Variants in ATR observed in about 807,000 individuals in gnomAD.
ATR encodes the protein ATR checkpoint kinase, also known as serine/threonine-protein kinase ATR.
Under a neutral mutation model 305.3 loss-of-function variants are expected in ATR, and 142 were observed. The observed-to-expected ratio is 0.47, with a 90% CI of 0.41 to 0.53. The LOEUF (loss-of-function observed/expected upper bound fraction) is 0.53, where lower values mean the gene tolerates loss of function less well. ATR is among the 20% of genes least tolerant of loss of function. The pLI is 0.00. For synonymous variants in ATR, 1,050 were observed against 1,068.1 expected (o/e 0.98, Z 0.33); for missense variants, 2,135 against 3,133.1 (o/e 0.68, Z 7.60).
rs747153320 is a variant in ATR, at chr3:142,550,137, G to C, written c.2971C>G (p.Leu991Val). 3.1e-6 allele frequency: 5 copies of C among 1,613,966 alleles called. No homozygotes were observed. Among genetic ancestry groups the C allele is most frequent in the Non-Finnish European group, 4.2e-6 (5 of 1,179,992 alleles). The part of the protein sequence containing the change: ...VFDFPDLNRF[L>V]TRTLQVLLPD... Reference sequence around the variant, plus strand: ...AACTATATGTTGCAACTTACAGTAAGAAAACGATTAAGATCAGGAAAGTCG... The same window carrying C: ...AACTATATGTTGCAACTTACAGTAACAAAACGATTAAGATCAGGAAAGTCG... Residue 991 changes from leucine (L) to valine (V), a missense_variant, in exon 14 of 47, where the codon CTT (leucine) becomes GTT (valine). Transcript: ENST00000350721.
At chr3:142,553,083 G>C in intron 13 of ATR, 144 bp downstream of exon 13, 1 of 1,072,922 alleles carries the variant, frequency 9.3e-7, no homozygotes, top group Non-Finnish European at 1.3e-6. Context: ...ACCTCTACAT[G>C]CTGCAATATA....
chr3:142,491,534 T>C (rs1013426603), intron 35 of ATR, among the ~76,000 whole-genome samples: 12 of 152,208 alleles, frequency 7.9e-5, no homozygotes, highest in Non-Finnish European at 1.6e-4. Context: ...TCATAAGTTG[T>C]TGTGTCTTAC....
intron 35 of ATR, among the ~76,000 whole-genome samples, chr3:142,491,530 G>A (rs567551298): frequency 3.0e-4 from 45 of 152,326 alleles, no homozygotes; most frequent in African/African-American, 1.0e-3. Flanking sequence ...TGCCTCATAA[G>A]TTGTTGTGTC....
At chr3:142,544,621 C>CAAAAAAAAAAA (rs71153972) in intron 16 of ATR, among the ~76,000 whole-genome samples, 1 of 83,630 alleles carries the variant, frequency 1.2e-5, no homozygotes. Flanking sequence ...AAGAAAGGAG[C>CAAAAAAAAAAA]AAAAAAAAAA....
At chr3:142,553,149 T>C (rs756244478) in intron 13 of ATR, 78 bp downstream of exon 13, 42 of 1,499,440 alleles carry the variant, frequency 2.8e-5, no homozygotes, top group Non-Finnish European at 3.9e-5. Flanking sequence ...AAATAAAACA[T>C]GTATAAATAT....
chr3:142,573,691 A>G lies in ATR; in HGVS notation c.59+4955T>C, dbSNP rs147996752. ...GAAAAAAACAATTGATCCTAACAAT[A>G]TATCTGAAATATTAGGTGAATGTGT... On this transcript the variant is annotated intron_variant, in intron 1 of 46. Transcript: ENST00000350721. 2.7e-4 allele frequency among the ~76,000 whole-genome samples: 41 copies of G among 152,310 alleles called. No homozygotes were observed. The East Asian group carries it at 7.7e-3, about 29-fold the overall frequency.
rs756748118 is a variant in ATR, at chr3:142,467,919, A to C, written c.6687+15T>G. The C allele has an allele frequency of 2.5e-6, 4 of 1,611,706 alleles. No homozygotes were observed. Among genetic ancestry groups the C allele is most frequent in the South Asian group, 1.1e-5 (1 of 90,840 alleles). On this transcript the variant is annotated intron_variant, in intron 39 of 46. Coordinates refer to ENST00000350721, the MANE Select transcript of ATR (RefSeq NM_001184.4). ...ACCCAACATCAGTTTATAAGCACTA[A>C]GATTATGATAGTACCGGTTTATTGC...
At chr3:142,473,941 ATTT>A (rs141622968) in intron 36 of ATR, among the ~76,000 whole-genome samples, 3,566 of 114,862 alleles carry the variant, frequency 0.031, 66 homozygotes, top group African/African-American at 0.06. Context: ...AAGTTATTGG[ATTT>A]TTTTTTTTTT....
At chr3:142,496,068 T>G (rs1037362691) in intron 34 of ATR, among the ~76,000 whole-genome samples, 2 of 151,344 alleles carry the variant, frequency 1.3e-5, no homozygotes, top group Non-Finnish European at 1.5e-5. Flanking sequence ...GTCGTTTTCC[T>G]CAAGGAAAAT....
At chr3:142,576,216 G>A (rs754134878) in intron 1 of ATR, among the ~76,000 whole-genome samples, 11 of 152,186 alleles carry the variant, frequency 7.2e-5, no homozygotes, top group East Asian at 3.8e-4. Context: ...ATGACTCCTA[G>A]GCTTTTGGTT....
intron 16 of ATR, 79 bp downstream of exon 16, chr3:142,547,646 T>C: frequency 2.0e-6 from 3 of 1,490,240 alleles, no homozygotes; most frequent in Non-Finnish European, 2.8e-6. Context: ...TGACCAAAAA[T>C]ATGATTTCTT....
Position 142,550,320 on chromosome 3 carries a change from T to C in ATR, c.2806-18A>G. On this transcript the variant is annotated intron_variant, in intron 13 of 46. Coordinates refer to ENST00000350721, the MANE Select transcript of ATR (RefSeq NM_001184.4). ...ACCAAAAACTAGAGCAAAAACCATT[T>C]TATTGTGAGTTTTCACACAAAGAAG... 6.2e-7 allele frequency: 1 copy of C among 1,612,368 alleles called. No homozygotes were observed. The highest frequency in any genetic ancestry group is 1.1e-5 in the South Asian group (1 of 91,056).
intron 21 of ATR, 140 bp downstream of exon 21, chr3:142,534,940 T>C: frequency 2.1e-6 from 2 of 945,840 alleles, no homozygotes; most frequent in Admixed American, 5.7e-5. Context: ...TTCCTAATTC[T>C]CAGTCAGATC....
chr3:142,520,745 G>A (rs2033113593), intron 23 of ATR, among the ~76,000 whole-genome samples: 1 of 152,136 alleles, frequency 6.6e-6, no homozygotes, highest in Admixed American at 6.5e-5. Flanking sequence ...AAAGTTTGAA[G>A]CAAACAGAGG....
At chr3:142,476,481 G>T (rs1008116531) in intron 36 of ATR, among the ~76,000 whole-genome samples, 1 of 152,166 alleles carries the variant, frequency 6.6e-6, no homozygotes, top group African/African-American at 2.4e-5. Flanking sequence ...GTACCATGCT[G>T]TTTTGGTTAC....
At chr3:142,452,281 T>C (rs1268380274) in intron 46 of ATR, 1 of 992,262 alleles carries the variant, frequency 1.0e-6, no homozygotes, top group East Asian at 1.1e-4. Context: ...ATAGTTGGTA[T>C]AATTCATTGT....
At chr3:142,560,549 C>A in intron 5 of ATR, 95 bp from the exon 6 acceptor site, 1 of 1,253,928 alleles carries the variant, frequency 8.0e-7, no homozygotes, top group Non-Finnish European at 1.1e-6. Flanking sequence ...TATGTAATAT[C>A]AACTATTCAA....
At chr3:142,560,977 GCA>G (rs1322475845) in intron 5 of ATR, among the ~76,000 whole-genome samples, 2 of 152,132 alleles carry the variant, frequency 1.3e-5, no homozygotes, top group African/African-American at 4.8e-5. Flanking sequence ...GCTAATAGAT[GCA>G]CAGTCTCAAA....
At chr3:142,475,204 C>T (rs1416392946) in intron 36 of ATR, among the ~76,000 whole-genome samples, 1 of 152,150 alleles carries the variant, frequency 6.6e-6, no homozygotes, top group African/African-American at 2.4e-5. Context: ...CCCATTAACT[C>T]GTCATTTAAC....
Sources: gnomAD v4.1 joint callset for allele counts (sites outside exome capture counted in the v4.1 genomes callset) on GRCh38, gnomAD v4.1.1 for gene constraint, MANE v1.5 for transcripts, NCBI Gene and HGNC (gene_info 2026-07-23, HGNC 2026-07-21) for gene names.